DRG1: variants seen among roughly 807,000 people sequenced by gnomAD.
The protein encoded by DRG1 is developmentally-regulated GTP-binding protein 1.
In DRG1, 19 loss-of-function variants were observed where a neutral mutation model predicts 38.8. That is an observed-to-expected ratio of 0.49 (90% CI 0.34 to 0.72). DRG1 has a LOEUF of 0.72. DRG1 is among the 30% of genes least tolerant of loss of function. The pLI is 0.01. For synonymous variants in DRG1, 167 were observed against 157.5 expected, an observed-to-expected ratio of 1.06 and a Z score of -0.45; for missense variants, 299 against 444.8, an observed-to-expected ratio of 0.67 and a Z score of 2.95.
Position 31,411,065 on chromosome 22 carries a change from T to C in DRG1, c.396T>C (p.Gly132=), listed in dbSNP as rs750232974. ...IEGAKDGKGR[G]RQVIAVARTC... ...GTGCCAAGGATGGGAAAGGTAGAGGTCGTCAAGTCATTGCAGGTGAGTGGT... is the reference window on the plus strand; with the variant it reads ...GTGCCAAGGATGGGAAAGGTAGAGGCCGTCAAGTCATTGCAGGTGAGTGGT... Residue 132 remains glycine, a synonymous_variant, in exon 4 of 9, where the codon GGT becomes GGC. Transcript: ENST00000331457. 1.9e-6 allele frequency: 3 copies of C among 1,613,850 alleles called. No homozygotes were observed. The highest frequency in any genetic ancestry group is 2.5e-6 in the Non-Finnish European group (3 of 1,179,860).
chr22:31,427,667 G>A (rs1014052040), intron 8 of DRG1, among the ~76,000 whole-genome samples: 3 of 152,168 alleles, frequency 2.0e-5, no homozygotes, highest in Admixed American at 2.0e-4. Flanking sequence ...CTGGGCTCAA[G>A]CAGTCCTCAT....
intron 3 of DRG1, among the ~76,000 whole-genome samples, chr22:31,408,964 A>C (rs1243397464): frequency 6.6e-6 from 1 of 152,130 alleles, no homozygotes; most frequent in Non-Finnish European, 1.5e-5. Flanking sequence ...TTTGAATCAC[A>C]TGTGCTGTGG....
At chr22:31,425,597 A>G (rs1170961011) in intron 6 of DRG1, among the ~76,000 whole-genome samples, 1 of 151,962 alleles carries the variant, frequency 6.6e-6, no homozygotes, top group Non-Finnish European at 1.5e-5. Context: ...TGTGCCACCA[A>G]GCCAGGCTAA....
At chr22:31,426,084 A>G (rs2050108736) in intron 6 of DRG1, among the ~76,000 whole-genome samples, 1 of 152,148 alleles carries the variant, frequency 6.6e-6, no homozygotes. Context: ...TTTAAGTATA[A>G]ATTATGTTTT....
intron 8 of DRG1, among the ~76,000 whole-genome samples, chr22:31,430,548 C>T (rs1244977052): frequency 3.3e-5 from 5 of 151,742 alleles, no homozygotes; most frequent in Admixed American, 1.3e-4. Flanking sequence ...TACAGGCACC[C>T]GCCACCACAC....
chr22:31,424,656 A>C (rs2050098180), intron 6 of DRG1, among the ~76,000 whole-genome samples: 1 of 150,266 alleles, frequency 6.7e-6, no homozygotes, highest in African/African-American at 2.4e-5. Context: ...CTGCCACTAC[A>C]TCTGGCTAAT....
At chr22:31,420,973 C>T (rs1392419406) in intron 5 of DRG1, among the ~76,000 whole-genome samples, 1 of 152,172 alleles carries the variant, frequency 6.6e-6, no homozygotes, top group Non-Finnish European at 1.5e-5. Context: ...GAAGTCTTTA[C>T]TGAGGTGACA....
At position 31,420,212 on chromosome 22, in the gene DRG1, G is replaced by C. The variant is rs758030539; in HGVS notation, c.413-44G>C. The stretch of plus-strand genomic sequence containing the variant: ...TACTTGAGTATTTGGGTTAGTTAAG[G>C]CTTTATTGAACTTTCTTGCGTATGT... On this transcript the variant is annotated intron_variant, in intron 4 of 8. Transcript: ENST00000331457. 5.6e-6 allele frequency: 9 copies of C among 1,598,124 alleles called. No individual in the cohort carries two copies. In the East Asian group the frequency reaches 1.8e-4, roughly 32 times the overall value.
chr22:31,430,887 T>G lies in DRG1; in HGVS notation c.1005-2985T>G, dbSNP rs551828481. 7.2e-5 allele frequency among the ~76,000 whole-genome samples: 11 copies of G among 151,966 alleles called. No homozygotes were observed. In the South Asian group the frequency reaches 2.3e-3, roughly 32 times the overall value. On this transcript the variant is annotated intron_variant, in intron 8 of 8. Transcript: ENST00000331457. Reference sequence around the variant, plus strand: ...TGTATGCCACCATGCCCAGCAAATTTTTTTTTTATTTGTAGAGACAGGGTC... The same window carrying G: ...TGTATGCCACCATGCCCAGCAAATTGTTTTTTTATTTGTAGAGACAGGGTC...
At chr22:31,427,949 C>T (rs376591175) in intron 8 of DRG1, among the ~76,000 whole-genome samples, 1 of 152,122 alleles carries the variant, frequency 6.6e-6, no homozygotes, top group African/African-American at 2.4e-5. Context: ...GTTGGTTAGG[C>T]TGGTCTTGAA....
rs907458157 is a variant in DRG1 at position 31,423,513 on chromosome 22, G to A, written c.713+103G>A. ...GCAGAAGTTTATCTTAATTCCAGTT[G>A]TCCTACTGTCTTTTTTTTTTTTTTT... On this transcript the variant is annotated intron_variant, in intron 6 of 8. Coordinates refer to ENST00000331457, the MANE Select transcript of DRG1 (RefSeq NM_004147.4). 3 of 871,034 alleles carry A rather than the reference G, an allele frequency of 3.4e-6. No individual in the cohort carries two copies. The African/African-American group carries it at 5.4e-5, about 16-fold the overall frequency. The allele number at this position is 871,034 out of a possible 1,614,324, so 54.0% of individuals were successfully genotyped here. A position where few individuals can be genotyped will look rare whatever the true frequency, so the allele number is the denominator to read the frequency against.
Position 31,420,389 on chromosome 22 carries a change from G to A in DRG1, c.546G>A (p.Lys182=). The A allele has an allele frequency of 6.2e-7, 1 of 1,614,178 alleles. No homozygotes were observed. The highest frequency in any genetic ancestry group is 8.5e-7 in the Non-Finnish European group (1 of 1,180,026). ...LNSKPPNIGF[K]KKDKGGINLT... ...GCAAACCCCCCAACATTGGCTTTAA[G>A]AAGAAGGACAAGGGAGGCATTAATC... Residue 182 remains lysine (K), a synonymous_variant, in exon 5 of 9, where the codon AAG becomes AAA. Coordinates refer to ENST00000331457, the MANE Select transcript of DRG1 (RefSeq NM_004147.4).
chr22:31,430,665 C>T (rs112937667), intron 8 of DRG1, among the ~76,000 whole-genome samples: 2,108 of 152,086 alleles, frequency 0.014, 55 homozygotes, highest in African/African-American at 0.048. Context: ...TCTCAAAGTG[C>T]TGGGATTACA....
chr22:31,401,617 ATGG>A, intron 2 of DRG1, among the ~76,000 whole-genome samples: 1 of 147,468 alleles, frequency 6.8e-6, no homozygotes, highest in East Asian at 2.0e-4. Context: ...GTATCCTAGC[ATGG>A]TGGTGCATGT....
chr22:31,425,601 A>G (rs1426069649), intron 6 of DRG1, among the ~76,000 whole-genome samples: 2 of 151,976 alleles, frequency 1.3e-5, no homozygotes, highest in Admixed American at 6.6e-5. Context: ...CCACCAAGCC[A>G]GGCTAATTTT....
intron 4 of DRG1, among the ~76,000 whole-genome samples, chr22:31,411,485 T>C (rs1034184239): frequency 1.3e-5 from 2 of 152,056 alleles, no homozygotes; most frequent in Non-Finnish European, 2.9e-5. Context: ...CTTTAATAAC[T>C]TCCCCAGAGA....
intron 4 of DRG1, among the ~76,000 whole-genome samples, chr22:31,417,522 A>T (rs867507460): frequency 1.3e-5 from 2 of 151,644 alleles, no homozygotes; most frequent in African/African-American, 4.9e-5. Flanking sequence ...TGTACTAAAA[A>T]TACAAAAAGT....
At chr22:31,403,528 G>A (rs769126990) in intron 3 of DRG1, among the ~76,000 whole-genome samples, 15 of 152,154 alleles carry the variant, frequency 9.9e-5, no homozygotes, top group Non-Finnish European at 1.6e-4. Context: ...TTAGCCGGGT[G>A]TAGTGGCACA....
intron 4 of DRG1, 47 bp downstream of exon 4, chr22:31,411,128 G>A (rs1392188093): frequency 5.0e-6 from 8 of 1,594,348 alleles, no homozygotes. Context: ...TCCCTTCTCT[G>A]GTACTATTCT....
Sources: allele counts gnomAD v4.1 joint callset (sites outside exome capture counted in the v4.1 genomes callset), GRCh38; gene constraint gnomAD v4.1.1; transcripts MANE v1.5; gene names NCBI Gene and HGNC (gene_info 2026-07-23, HGNC 2026-07-21).